The following ROCK1 variants were observed in gnomAD, a reference collection of about 807,000 sequenced individuals.
ROCK1 encodes the protein rho-associated protein kinase 1.
Under a neutral mutation model 196.8 loss-of-function variants are expected in ROCK1, and 36 were observed. The ratio of observed to expected loss-of-function variants is 0.18; its 90% CI spans 0.14 to 0.24. The LOEUF is 0.24. ROCK1 is among the 10% of genes least tolerant of loss of function. The pLI is 1.00. For synonymous variants in ROCK1, 443 were observed against 515.9 expected, an observed-to-expected ratio of 0.86 and a Z score of 1.91; for missense variants, 920 against 1,562.0, an observed-to-expected ratio of 0.59 and a Z score of 6.93.
At position 20,968,799 on chromosome 18, in the gene ROCK1, G is replaced by A. The variant is rs375431349; in HGVS notation, c.2976C>T (p.Ile992=). The A allele has an allele frequency of 6.2e-7, 1 of 1,607,032 alleles. No individual in the cohort carries two copies. The highest frequency in any genetic ancestry group is 2.2e-5 in the East Asian group (1 of 44,828). ...GTGTTTTAAGGGTTCGTTCAGTGTT[G>A]ATATTCTTTTCAAAGGCAGCCTTAA... ...SNLKAAFEKN[I]NTERTLKTQA... is the part of the protein sequence containing the mutation. Residue 992 remains isoleucine (I), a synonymous_variant, in exon 25 of 33, where the codon ATC becomes ATT. Transcript: ENST00000399799.
chr18:21,093,684 T>C (rs2036589339), intron 1 of ROCK1, among the ~76,000 whole-genome samples: 1 of 152,162 alleles, frequency 6.6e-6, no homozygotes, highest in African/African-American at 2.4e-5. Context: ...CCAGGCACGA[T>C]GGCTTACATC....
chr18:21,012,549 G>A (rs1198171340), intron 13 of ROCK1, among the ~76,000 whole-genome samples: 1 of 151,964 alleles, frequency 6.6e-6, no homozygotes, highest in Admixed American at 6.6e-5. Flanking sequence ...GGTGTGTCCT[G>A]TATTTAAGAT....
At position 21,062,532 on chromosome 18, in the gene ROCK1, TC is replaced by T. The variant is rs376966541; in HGVS notation, c.175+7999del. ...ATATATGCAGTTTATATTATATAAA[TC>T]AATGACTAAATTAATAAATGGGGGA... On this transcript the variant is annotated intron_variant, in intron 2 of 32. Transcript: ENST00000399799. Among the ~76,000 whole-genome samples the T allele has an allele frequency of 2.6e-3, 402 of 152,142 alleles. 2 individuals are homozygous for T. The highest frequency in any genetic ancestry group is 4.6e-3 in the Non-Finnish European group (315 of 67,994).
At chr18:21,104,167 T>G (rs1380366793) in intron 1 of ROCK1, among the ~76,000 whole-genome samples, 1 of 152,220 alleles carries the variant, frequency 6.6e-6, no homozygotes, top group Non-Finnish European at 1.5e-5. Flanking sequence ...ATCTGTAGTT[T>G]TCACCATATA....
At chr18:21,098,452 G>GA (rs1204666778) in intron 1 of ROCK1, among the ~76,000 whole-genome samples, 1 of 151,766 alleles carries the variant, frequency 6.6e-6, no homozygotes, top group Non-Finnish European at 1.5e-5. Flanking sequence ...AGTAAAAACT[G>GA]AAAAAAACAT....
intron 10 of ROCK1, 44 bp downstream of exon 10, chr18:21,028,732 C>A: frequency 6.7e-7 from 1 of 1,500,964 alleles, no homozygotes; most frequent in Non-Finnish European, 8.9e-7. Flanking sequence ...TTTCTAAGAA[C>A]AAAATCAGCA....
chr18:20,979,972 T>C lies in ROCK1; in HGVS notation c.2592A>G (p.Lys864=). 1 of 1,554,570 alleles carries C rather than the reference T, an allele frequency of 6.4e-7. No homozygotes were observed. The highest frequency in any genetic ancestry group is 8.7e-7 in the Non-Finnish European group (1 of 1,147,958). The change falls in exon 22 of 33, where the codon AAA becomes AAG. Residue 864 remains lysine, a synonymous_variant. Coordinates refer to ENST00000399799, the MANE Select transcript of ROCK1 (RefSeq NM_005406.3). ...TLYKTQVKEL[K]EEIEEKNREN... ...CTCTGTTTTTTTCTTCAATTTCTTC[T>C]TTAAGTTCCTTTACCTGGGTTTTAT...
At chr18:21,064,938 A>G (rs1034304206) in intron 2 of ROCK1, among the ~76,000 whole-genome samples, 8 of 152,156 alleles carry the variant, frequency 5.3e-5, no homozygotes, top group African/African-American at 1.2e-4. Context: ...CTCTCAAGGG[A>G]TATTTGGCAA....
chr18:21,066,556 C>T (rs565627107), intron 2 of ROCK1, among the ~76,000 whole-genome samples: 89 of 152,236 alleles, frequency 5.8e-4, no homozygotes, highest in Middle Eastern at 3.4e-3. Flanking sequence ...GTAATCATCA[C>T]CACAAAGAGG....
rs113427220 is a variant in ROCK1, at chr18:21,088,177, T to C, written c.94-17564A>G. 6.4e-3 allele frequency among the ~76,000 whole-genome samples: 978 copies of C among 152,168 alleles called. 8 individuals are homozygous for C. The highest frequency in any genetic ancestry group is 0.014 in the South Asian group (66 of 4,822). ...AGCTAAATCACTGCTAAAAGAAAAA[T>C]GTATAGCATTAAATGATTAGAAAAG... On this transcript the variant is annotated intron_variant, in intron 1 of 32. Transcript: ENST00000399799.
chr18:21,059,776 G>A (rs2036273235), intron 2 of ROCK1, among the ~76,000 whole-genome samples: 1 of 152,038 alleles, frequency 6.6e-6, no homozygotes, highest in South Asian at 2.1e-4. Flanking sequence ...AGCCAAAAGA[G>A]AATCAATACA....
At chr18:21,062,319 G>A (rs2036298751) in intron 2 of ROCK1, among the ~76,000 whole-genome samples, 1 of 152,086 alleles carries the variant, frequency 6.6e-6, no homozygotes. Context: ...GAACACAGGA[G>A]TAGGAGCTGG....
At chr18:21,098,908 T>A (rs2036634026) in intron 1 of ROCK1, among the ~76,000 whole-genome samples, 1 of 152,174 alleles carries the variant, frequency 6.6e-6, no homozygotes, top group African/African-American at 2.4e-5. Context: ...TGTCACCTAT[T>A]AAATGGACAA....
chr18:21,058,183 C>T (rs1452751208), intron 2 of ROCK1, among the ~76,000 whole-genome samples: 3 of 152,020 alleles, frequency 2.0e-5, no homozygotes, highest in Non-Finnish European at 4.4e-5. Context: ...ACAATAACTG[C>T]AGTCATCTCT....
intron 18 of ROCK1, among the ~76,000 whole-genome samples, chr18:20,990,778 T>G (rs1481535237): frequency 6.6e-6 from 1 of 151,498 alleles, no homozygotes; most frequent in Non-Finnish European, 1.5e-5. Flanking sequence ...TTTCTTTCTC[T>G]GAGACACAGT....
chr18:21,008,959 T>C (rs1262869532), intron 13 of ROCK1, among the ~76,000 whole-genome samples: 1 of 152,084 alleles, frequency 6.6e-6, no homozygotes, highest in Non-Finnish European at 1.5e-5. Flanking sequence ...TTATCACATA[T>C]GTAGGTTCAT....
chr18:21,084,752 G>C (rs2036512161), intron 1 of ROCK1, among the ~76,000 whole-genome samples: 1 of 152,048 alleles, frequency 6.6e-6, no homozygotes, highest in Non-Finnish European at 1.5e-5. Context: ...TCCACTTCTG[G>C]GTATACACCC....
At chr18:21,075,901 C>T (rs541887451) in intron 1 of ROCK1, among the ~76,000 whole-genome samples, 6 of 148,286 alleles carry the variant, frequency 4.0e-5, no homozygotes, top group African/African-American at 7.5e-5. Flanking sequence ...TGCAGTGAGC[C>T]GACATAGCAC....
chr18:21,042,748 A>G (rs375300079), intron 6 of ROCK1, 39 bp from the exon 7 acceptor site: 9 of 1,570,518 alleles, frequency 5.7e-6, no homozygotes, highest in Admixed American at 1.9e-5. Context: ...ATTAGGATAT[A>G]AAGTCTCAAT....
Sources: gnomAD v4.1 joint callset for allele counts (sites outside exome capture counted in the v4.1 genomes callset) on GRCh38, gnomAD v4.1.1 for gene constraint, MANE v1.5 for transcripts, NCBI Gene and HGNC (gene_info 2026-07-23, HGNC 2026-07-21) for gene names.